The following PLEKHH1 variants were observed in gnomAD, a reference collection of about 807,000 sequenced individuals.
PLEKHH1 encodes the protein pleckstrin homology, MyTH4 and FERM domain containing H1.
PLEKHH1 carries 104 observed loss-of-function variants against 160.0 expected under a neutral mutation model. The observed-to-expected ratio is 0.65, with a 90% CI of 0.55 to 0.76. PLEKHH1 has a LOEUF of 0.76. Among genes scored for constraint, PLEKHH1 ranks in the 30% least tolerant of loss-of-function variants. The pLI, the probability that PLEKHH1 is intolerant of heterozygous loss-of-function variation, is 0.00. For missense variants in PLEKHH1, 1,427 were observed against 1,724.1 expected (o/e 0.83, Z 3.05); for synonymous variants, 619 against 678.4 (o/e 0.91, Z 1.36).
At position 67,582,061 on chromosome 14, in the gene PLEKHH1, C is replaced by A; in HGVS notation, c.3285-8C>A. 6.2e-7 allele frequency: 1 copy of A among 1,605,874 alleles called. No individual in the cohort carries two copies. The highest frequency in any genetic ancestry group is 8.5e-7 in the Non-Finnish European group (1 of 1,176,334). On this transcript the variant is annotated splice_region_variant and splice_polypyrimidine_tract_variant and intron_variant, in intron 23 of 28. Coordinates refer to ENST00000329153, the MANE Select transcript of PLEKHH1 (RefSeq NM_020715.3). This position sits in a 1 kb window ranked among gnomAD's most constrained non-coding sequence, Gnocchi z 5.0. Reference sequence around the variant, plus strand: ...CTGAGTCCTGGTTTCTTATTCTCTTCTTTGTAGGCTGTACTTTCGCAGTCA... The same window carrying A: ...CTGAGTCCTGGTTTCTTATTCTCTTATTTGTAGGCTGTACTTTCGCAGTCA...
chr14:67,561,465 A>G (rs1425654396), intron 5 of PLEKHH1, among the ~76,000 whole-genome samples: 1 of 149,646 alleles, frequency 6.7e-6, no homozygotes, highest in Non-Finnish European at 1.5e-5. Context: ...GTGGGAGGCT[A>G]AGGTGGGAGG....
rs1216326335 is a variant in PLEKHH1 at position 67,578,066 on chromosome 14, T to C, written c.2618T>C (p.Val873Ala). The change falls in exon 19 of 29, where the codon GTG (valine) becomes GCG (alanine). Residue 873 changes from valine (V) to alanine (A), a missense_variant. Val to Ala is a moderately conservative substitution (Grantham distance 64). Around this residue, in one of 6 missense-constraint regions of PLEKHH1, gnomAD observed 436 missense variants for 607.5 expected, o/e 0.72. Transcript: ENST00000329153. This position sits in a 1 kb window ranked among gnomAD's most constrained non-coding sequence, Gnocchi z 5.0. ...AACGTGCCGGTGGAAGCTGCCTCGGTGGACTACCATGTGTCCCTGGCCCAG... is the reference window on the plus strand; with the variant it reads ...AACGTGCCGGTGGAAGCTGCCTCGGCGGACTACCATGTGTCCCTGGCCCAG... ...FINVPVEAAS[V>A]DYHVSLAQTA... The C allele has an allele frequency of 6.2e-7, 1 of 1,613,990 alleles. No individual in the cohort carries two copies. The highest frequency in any genetic ancestry group is 8.5e-7 in the Non-Finnish European group (1 of 1,179,884).
chr14:67,580,220 G>A (rs529425974), intron 22 of PLEKHH1: 1 of 214,196 alleles, frequency 4.7e-6, no homozygotes, highest in African/African-American at 2.3e-5. Context: ...TCACAGCTGT[G>A]TGCTTGGACC....
At chr14:67,535,982 A>G (rs1378575626) in intron 1 of PLEKHH1, among the ~76,000 whole-genome samples, 1 of 152,214 alleles carries the variant, frequency 6.6e-6, no homozygotes, top group East Asian at 1.9e-4. Context: ...AGTTAAGCAA[A>G]TGGCTTAAGG....
rs747960752 is a variant in PLEKHH1 at position 67,562,588 on chromosome 14, C to T, written c.957C>T (p.Gly319=). ...CCCTACCAAAGGTGCGGGCTCCTGG[C>T]ACCCCGCGGGACAGCATCCAGTTGG... is the stretch of plus-strand genomic sequence containing the variant. ...SLTLPKVRAP[G]TPRDSIQLAK... The change falls in exon 7 of 29, where the codon GGC becomes GGT. Residue 319 remains glycine (G), a synonymous_variant. Coordinates refer to ENST00000329153, the MANE Select transcript of PLEKHH1 (RefSeq NM_020715.3). The T allele has an allele frequency of 6.8e-6, 11 of 1,612,762 alleles. No homozygotes were observed. Among genetic ancestry groups the T allele is most frequent in the Middle Eastern group, 3.3e-4 (2 of 6,060 alleles).
chr14:67,557,454 T>G, intron 4 of PLEKHH1, 36 bp downstream of exon 4: 2 of 1,600,166 alleles, frequency 1.2e-6, no homozygotes. Context: ...CCATGCCCTC[T>G]TCGACATCTG....
chr14:67,581,396 G>A (rs1408160901), intron 23 of PLEKHH1, among the ~76,000 whole-genome samples: 1 of 152,068 alleles, frequency 6.6e-6, no homozygotes, highest in African/African-American at 2.4e-5. Context: ...ATGGTGGCAT[G>A]TACCTGTAGT....
chr14:67,542,123 A>G, intron 2 of PLEKHH1, 130 bp downstream of exon 2: 1 of 887,326 alleles, frequency 1.1e-6, no homozygotes, highest in Non-Finnish European at 1.6e-6. Context: ...GCAAAATGAA[A>G]CCCAAGGTAG....
intron 2 of PLEKHH1, among the ~76,000 whole-genome samples, chr14:67,543,304 G>C (rs2034045993): frequency 6.6e-6 from 1 of 152,186 alleles, no homozygotes; most frequent in Non-Finnish European, 1.5e-5. Context: ...TAAGGGGAGT[G>C]GTCCTGGACT....
chr14:67,574,208 G>T lies in PLEKHH1; in HGVS notation c.1927-34G>T, dbSNP rs3742873. On this transcript the variant is annotated intron_variant, in intron 13 of 28. Coordinates refer to ENST00000329153, the MANE Select transcript of PLEKHH1 (RefSeq NM_020715.3). This position sits in a 1 kb window ranked among gnomAD's most constrained non-coding sequence, Gnocchi z 4.2. ...GTCCTGGTTACTCCATTCTCCCAGCGTGCTGCCCCACCCCCATATCTCGCC... is the reference window on the plus strand; with the variant it reads ...GTCCTGGTTACTCCATTCTCCCAGCTTGCTGCCCCACCCCCATATCTCGCC... The T allele has an allele frequency of 6.5e-6, 10 of 1,543,034 alleles. No homozygotes were observed. In the African/African-American group the frequency reaches 1.4e-4, roughly 21 times the overall value.
Position 67,578,146 on chromosome 14 carries a change from C to T in PLEKHH1, c.2698C>T (p.Gln900Ter). The T allele has an allele frequency of 1.2e-6, 2 of 1,613,960 alleles. No individual in the cohort carries two copies. Among genetic ancestry groups the T allele is most frequent in the Non-Finnish European group, 1.7e-6 (2 of 1,179,872 alleles). Residue 900 changes from glutamine to a stop codon, truncating the protein, a stop_gained, in exon 19 of 29, where the codon CAA becomes TAA. Transcript: ENST00000329153. LOFTEE classifies it high-confidence loss of function. The surrounding 1 kb of genome is among the most constrained non-coding windows in gnomAD (Gnocchi z 5.0). ...HPELQSEIYC[Q>*]LMKQTSCRPP... ...CGAGCTGCAGAGTGAGATCTACTGC[C>T]AACTCATGAAGCAGACCAGCTGCCG...
At chr14:67,533,971 T>C (rs73272319) in intron 1 of PLEKHH1, among the ~76,000 whole-genome samples, 1 of 152,176 alleles carries the variant, frequency 6.6e-6, no homozygotes, top group African/African-American at 2.4e-5. Flanking sequence ...AAGAGCCTCA[T>C]CTGGAAGGAA....
intron 2 of PLEKHH1, among the ~76,000 whole-genome samples, chr14:67,549,054 T>G (rs117492877): frequency 0.026 from 3,959 of 152,218 alleles, 144 homozygotes; most frequent in Admixed American, 0.083. Flanking sequence ...GAAAAACATA[T>G]CCTAAAATAT....
Position 67,576,084 on chromosome 14 carries a change from T to C in PLEKHH1, c.2352+79T>C. 8.6e-7 allele frequency: 1 copy of C among 1,167,428 alleles called. No homozygotes were observed. The highest frequency in any genetic ancestry group is 1.2e-6 in the Non-Finnish European group (1 of 818,430). The allele number at this position is 1,167,428 out of a possible 1,614,324, so 72.3% of individuals were successfully genotyped here. A position where few individuals can be genotyped will look rare whatever the true frequency, so the allele number is the denominator to read the frequency against. ...TTCCCTTCTCTCTTTCTCCTGAGCT[T>C]CCCAAAATTCAAATTTATTTCCTTT... is the stretch of plus-strand genomic sequence containing the variant. On this transcript the variant is annotated intron_variant, in intron 16 of 28. Coordinates refer to ENST00000329153, the MANE Select transcript of PLEKHH1 (RefSeq NM_020715.3). This position sits in a 1 kb window ranked among gnomAD's most constrained non-coding sequence, Gnocchi z 4.0.
chr14:67,561,647 C>T (rs535382034), intron 5 of PLEKHH1, among the ~76,000 whole-genome samples: 1 of 152,146 alleles, frequency 6.6e-6, no homozygotes, highest in East Asian at 1.9e-4. Flanking sequence ...GTGGGCAGAT[C>T]GTTTGAGTCC....
Position 67,576,023 on chromosome 14 carries a change from G to A in PLEKHH1, c.2352+18G>A. On this transcript the variant is annotated intron_variant, in intron 16 of 28. Transcript: ENST00000329153. This position sits in a 1 kb window ranked among gnomAD's most constrained non-coding sequence, Gnocchi z 4.0. The stretch of plus-strand genomic sequence containing the variant: ...ATGAAAAGGTAAGGAAGAGGGCTGG[G>A]CCTCCAGGGCCAAGCTTGGACCTGT... The A allele has an allele frequency of 6.3e-7, 1 of 1,581,100 alleles. No individual in the cohort carries two copies. Among genetic ancestry groups the A allele is most frequent in the East Asian group, 2.3e-5 (1 of 44,352 alleles).
chr14:67,583,166 A>C (rs2035983233), intron 24 of PLEKHH1, among the ~76,000 whole-genome samples: 1 of 152,236 alleles, frequency 6.6e-6, no homozygotes, highest in South Asian at 2.1e-4. Context: ...CTGGAAAGGA[A>C]GAGGAAACAG....
At chr14:67,543,644 C>T (rs540945402) in intron 2 of PLEKHH1, among the ~76,000 whole-genome samples, 2 of 151,828 alleles carry the variant, frequency 1.3e-5, no homozygotes, top group Non-Finnish European at 2.9e-5. Flanking sequence ...AGTTTGAGAA[C>T]CCTGACTTAA....
At position 67,578,826 on chromosome 14, in the gene PLEKHH1, C is replaced by T. The variant is rs757389138; in HGVS notation, c.2849+195C>T. On this transcript the variant is annotated intron_variant, in intron 20 of 28. Coordinates refer to ENST00000329153, the MANE Select transcript of PLEKHH1 (RefSeq NM_020715.3). This position sits in a 1 kb window ranked among gnomAD's most constrained non-coding sequence, Gnocchi z 5.0. ...CTGGGCATGCTTAAGCTTCTCTGCA[C>T]GCCAATCCATGTATCCACGGATGTA... Among the ~76,000 whole-genome samples, 21 of 151,760 alleles carry T rather than the reference C, an allele frequency of 1.4e-4. No individual in the cohort carries two copies. Among genetic ancestry groups the T allele is most frequent in the East Asian group, 1.2e-3 (6 of 5,144 alleles).
Sources: gnomAD v4.1 joint callset for allele counts (sites outside exome capture counted in the v4.1 genomes callset) on GRCh38, gnomAD v4.1.1 for gene constraint, gnomAD v4.1.1 regional missense constraint, Gnocchi (gnomAD v3.1) non-coding constraint, MANE v1.5 for transcripts, NCBI Gene and HGNC (gene_info 2026-07-23, HGNC 2026-07-21) for gene names.